OLFM3: variants seen among roughly 807,000 people sequenced by gnomAD.
OLFM3 encodes the protein noelin-3.
OLFM3 carries 20 observed loss-of-function variants against 48.6 expected under a neutral mutation model. The observed-to-expected ratio is 0.41, with a 90% CI of 0.29 to 0.60. OLFM3 has a LOEUF of 0.60. Ranked by LOEUF, OLFM3 falls within the 20% of genes least tolerant of loss-of-function variation. The pLI is 0.28. For missense variants in OLFM3, 437 were observed against 544.3 expected, an observed-to-expected ratio of 0.80 and a Z score of 1.96; for synonymous variants, 222 against 198.1, an observed-to-expected ratio of 1.12 and a Z score of -1.01.
chr1:101,825,269 C>T (rs752190043), intron 3 of OLFM3, 24 bp from the exon 4 acceptor site: 42 of 1,587,282 alleles, frequency 2.6e-5, no homozygotes, highest in Non-Finnish European at 3.6e-5. Context: ...CCTATTGTTC[C>T]TGAGAGTCAT....
intron 1 of OLFM3, among the ~76,000 whole-genome samples, chr1:101,911,983 T>C (rs578257542): frequency 6.6e-6 from 1 of 152,336 alleles, no homozygotes; most frequent in African/African-American, 2.4e-5. Flanking sequence ...AAGTTATTAA[T>C]ATTAAAAATA....
intron 1 of OLFM3, among the ~76,000 whole-genome samples, chr1:101,895,726 C>A (rs1412282359): frequency 6.6e-6 from 1 of 151,968 alleles, no homozygotes; most frequent in Admixed American, 6.6e-5. Flanking sequence ...ATTCAATGGG[C>A]TATGAACAGA....
rs186343026 is a variant in OLFM3, at chr1:101,829,000, T to A, written c.372+1672A>T. On this transcript the variant is annotated intron_variant, in intron 3 of 5. Coordinates refer to ENST00000370103, the MANE Select transcript of OLFM3 (RefSeq NM_058170.4). ...AAACCAGCTCTTCTCCTGGTCTTTTTAAATCAAAATTAATTTCTCCTCCCT... is the reference window on the plus strand; with the variant it reads ...AAACCAGCTCTTCTCCTGGTCTTTTAAAATCAAAATTAATTTCTCCTCCCT... 2.2e-3 allele frequency among the ~76,000 whole-genome samples: 334 copies of A among 152,318 alleles called. 1 individual carries two copies. The highest frequency in any genetic ancestry group is 7.9e-3 in the African/African-American group (327 of 41,566).
intron 1 of OLFM3, among the ~76,000 whole-genome samples, chr1:101,842,939 T>C (rs1187184724): frequency 6.6e-6 from 1 of 152,240 alleles, no homozygotes; most frequent in Non-Finnish European, 1.5e-5. Flanking sequence ...CTCACCTGGC[T>C]TCCCTCCTTA....
chr1:101,986,005 C>G (rs1457542865), intron 1 of OLFM3, among the ~76,000 whole-genome samples: 6 of 149,878 alleles, frequency 4.0e-5, no homozygotes, highest in South Asian at 2.1e-4. Flanking sequence ...TCGCTCTGTC[C>G]CCCAGGCTGG....
intron 1 of OLFM3, among the ~76,000 whole-genome samples, chr1:101,881,512 A>G (rs370411850): frequency 6.0e-4 from 91 of 152,040 alleles, no homozygotes; most frequent in African/African-American, 2.1e-3. Flanking sequence ...CCTGCCGTAT[A>G]ATAATAAGAC....
At chr1:101,971,957 TTA>T (rs1660817003) in intron 1 of OLFM3, among the ~76,000 whole-genome samples, 9 of 151,584 alleles carry the variant, frequency 5.9e-5, no homozygotes. Context: ...TACTTATGTA[TTA>T]TATATAACTA....
chr1:101,924,177 C>A (rs11164337), intron 1 of OLFM3, among the ~76,000 whole-genome samples: 1 of 151,822 alleles, frequency 6.6e-6, no homozygotes, highest in African/African-American at 2.4e-5. Context: ...TCAATTGACA[C>A]GATTCTATCA....
At chr1:101,924,766 T>A (rs1659214211) in intron 1 of OLFM3, among the ~76,000 whole-genome samples, 1 of 152,200 alleles carries the variant, frequency 6.6e-6, no homozygotes, top group South Asian at 2.1e-4. Context: ...GTTCTGGAAA[T>A]GCAGTATCTC....
chr1:101,900,013 T>C (rs1412754476), intron 1 of OLFM3, among the ~76,000 whole-genome samples: 4 of 152,148 alleles, frequency 2.6e-5, no homozygotes, highest in South Asian at 2.1e-4. Context: ...GGAAGTTGAA[T>C]TGTCACAAGA....
chr1:101,822,694 T>A (rs186247604), intron 4 of OLFM3, among the ~76,000 whole-genome samples: 1 of 152,292 alleles, frequency 6.6e-6, no homozygotes, highest in East Asian at 1.9e-4. Context: ...ATTTGAGATT[T>A]ACTTGTTATC....
At chr1:101,916,839 G>C (rs964749238) in intron 1 of OLFM3, among the ~76,000 whole-genome samples, 1 of 152,034 alleles carries the variant, frequency 6.6e-6, no homozygotes, top group African/African-American at 2.4e-5. Context: ...ATAGCAAAGG[G>C]GATAGACGTA....
intron 1 of OLFM3, among the ~76,000 whole-genome samples, chr1:101,858,873 A>C (rs1409686169): frequency 1.3e-5 from 2 of 152,078 alleles, no homozygotes; most frequent in African/African-American, 4.8e-5. Flanking sequence ...GTAGTTCTTT[A>C]TAGCAATGTG....
intron 1 of OLFM3, among the ~76,000 whole-genome samples, chr1:101,876,691 C>G (rs1657313826): frequency 6.6e-6 from 1 of 151,820 alleles, no homozygotes; most frequent in Non-Finnish European, 1.5e-5. Flanking sequence ...ATTTATCTAG[C>G]TTATTAAGCT....
In OLFM3 at chr1:101,996,797, A is replaced by C. The variant is rs551162240; in HGVS notation, c.20T>G (p.Leu7Arg). Reference sequence around the variant, plus strand: ...CAAAGACAGCAGCAGGAGGTTGAGAAGGTTGGACGTCGCCTGCATTCTGAT... The same window carrying C: ...CAAAGACAGCAGCAGGAGGTTGAGACGGTTGGACGTCGCCTGCATTCTGAT... MQATSN[L>R]LNLLLLSLFA... Residue 7 changes from leucine to arginine, a missense_variant, in exon 1 of 6, where the codon CTT (leucine) becomes CGT (arginine). Coordinates refer to ENST00000370103, the MANE Select transcript of OLFM3 (RefSeq NM_058170.4). 33 of 1,614,264 alleles carry C rather than the reference A, an allele frequency of 2.0e-5. 1 individual carries two copies. In the East Asian group the frequency reaches 2.2e-4, roughly 11 times the overall value.
At chr1:101,858,585 G>T (rs1426677648) in intron 1 of OLFM3, among the ~76,000 whole-genome samples, 1 of 151,926 alleles carries the variant, frequency 6.6e-6, no homozygotes, top group Non-Finnish European at 1.5e-5. Flanking sequence ...GTTGGAGGAG[G>T]GGCCTGGTGG....
At chr1:101,922,025 C>T (rs1298109729) in intron 1 of OLFM3, among the ~76,000 whole-genome samples, 1 of 151,980 alleles carries the variant, frequency 6.6e-6, no homozygotes, top group Non-Finnish European at 1.5e-5. Context: ...TGACACTGCA[C>T]TCCAGCCTGG....
Position 101,963,194 on chromosome 1 carries a change from C to G in OLFM3, c.69+33554G>C, listed in dbSNP as rs989939822. On this transcript the variant is annotated intron_variant, in intron 1 of 5. Transcript: ENST00000370103. ...CTCAGAGCCCTCGTTATGCATTACT[C>G]CCCCATTGCCACCCATGGTGTGTGG... Among the ~76,000 whole-genome samples, 35 of 152,182 alleles carry G rather than the reference C, an allele frequency of 2.3e-4. 1 individual carries two copies. The highest frequency in any genetic ancestry group is 7.3e-5 in the Non-Finnish European group (5 of 68,044).
At chr1:101,953,664 T>C (rs1374787314) in intron 1 of OLFM3, among the ~76,000 whole-genome samples, 1 of 152,146 alleles carries the variant, frequency 6.6e-6, no homozygotes, top group Non-Finnish European at 1.5e-5. Context: ...GGCTGTGTTA[T>C]CCAACCTATA....
Sources: gnomAD v4.1 joint callset for allele counts (sites outside exome capture counted in the v4.1 genomes callset) on GRCh38, gnomAD v4.1.1 for gene constraint, MANE v1.5 for transcripts, NCBI Gene and HGNC (gene_info 2026-07-23, HGNC 2026-07-21) for gene names.